The following DLG2 variants were observed in gnomAD, a reference collection of about 807,000 sequenced individuals.
The protein encoded by DLG2 is discs large MAGUK scaffold protein 2.
Under a neutral mutation model 132.5 loss-of-function variants are expected in DLG2, and 45 were observed. That is an observed-to-expected ratio of 0.34 (90% CI 0.27 to 0.44). DLG2 has a LOEUF of 0.44. DLG2 is among the 20% of genes least tolerant of loss of function. DLG2 has a pLI of 1.00. For missense variants in DLG2, 1,045 were observed against 1,196.9 expected (o/e 0.87, Z 1.87); for synonymous variants, 424 against 419.6 (o/e 1.01, Z -0.13).
At chr11:85,566,747 TCGG>T in intron 3 of DLG2, among the ~76,000 whole-genome samples, 1 of 152,214 alleles carries the variant, frequency 6.6e-6, no homozygotes, top group African/African-American at 2.4e-5. Flanking sequence ...ACGCTAACAT[TCGG>T]CCCATTGCAA....
chr11:84,272,761 A>G (rs1011311817), intron 7 of DLG2, among the ~76,000 whole-genome samples: 2 of 152,186 alleles, frequency 1.3e-5, no homozygotes, highest in African/African-American at 4.8e-5. Flanking sequence ...CTTGATCTAT[A>G]TATCAAACCT....
chr11:83,821,155 C>G (rs1437406205), intron 17 of DLG2, among the ~76,000 whole-genome samples: 3 of 152,180 alleles, frequency 2.0e-5, no homozygotes, highest in Non-Finnish European at 4.4e-5. Context: ...GTTCACATCT[C>G]ATAACTCATG....
chr11:83,678,675 C>T (rs767791676), intron 18 of DLG2, among the ~76,000 whole-genome samples: 4 of 152,014 alleles, frequency 2.6e-5, no homozygotes, highest in Non-Finnish European at 5.9e-5. Context: ...TGAATGTGAT[C>T]CAGAAGGGAC....
At chr11:84,654,436 T>A (rs1456712643) in intron 6 of DLG2, among the ~76,000 whole-genome samples, 1 of 152,180 alleles carries the variant, frequency 6.6e-6, no homozygotes, top group African/African-American at 2.4e-5. Context: ...TTTCACCTGC[T>A]AACTATGCCA....
intron 6 of DLG2, among the ~76,000 whole-genome samples, chr11:84,924,390 G>C (rs931894770): frequency 8.5e-5 from 13 of 152,258 alleles, no homozygotes; most frequent in Admixed American, 8.5e-4. Flanking sequence ...CCAGCAACAA[G>C]GAAGATCAGC....
intron 6 of DLG2, among the ~76,000 whole-genome samples, chr11:84,822,454 A>G (rs999927489): frequency 6.6e-6 from 1 of 151,882 alleles, no homozygotes; most frequent in Non-Finnish European, 1.5e-5. Flanking sequence ...TAAAGCACTA[A>G]ACTCAATTAT....
chr11:85,043,733 T>C (rs1000226931), intron 6 of DLG2, among the ~76,000 whole-genome samples: 2 of 151,908 alleles, frequency 1.3e-5, no homozygotes, highest in Admixed American at 1.3e-4. Context: ...ACTTTTAAAA[T>C]CTAACTTTCT....
chr11:85,029,009 C>A (rs1449162679), intron 6 of DLG2, among the ~76,000 whole-genome samples: 1 of 152,164 alleles, frequency 6.6e-6, no homozygotes, highest in African/African-American at 2.4e-5. Flanking sequence ...AATATTTATC[C>A]TTTTAACTTA....
chr11:85,403,054 G>T (rs1201040054), intron 3 of DLG2, among the ~76,000 whole-genome samples: 1 of 152,112 alleles, frequency 6.6e-6, no homozygotes, highest in East Asian at 1.9e-4. Context: ...TATGTTTATT[G>T]TGGCACTATT....
chr11:85,427,233 C>A (rs1158213260), intron 3 of DLG2, among the ~76,000 whole-genome samples: 1 of 152,190 alleles, frequency 6.6e-6, no homozygotes, highest in Non-Finnish European at 1.5e-5. Flanking sequence ...CTTCCCCAAT[C>A]TAGCAAGGCA....
At position 84,483,430 on chromosome 11, in the gene DLG2, C is replaced by CAAAAAAAAA. The variant is rs56086759; in HGVS notation, c.519+51131_519+51139dup. On this transcript the variant is annotated intron_variant, in intron 7 of 27. Coordinates refer to ENST00000376104, the MANE Select transcript of DLG2 (RefSeq NM_001142699.3). ...TGTGCAACAGAGCCAGACTCCGCCT[C>CAAAAAAAAA]AAAAAAAAAAAAAAAAAAAATTAAA... Among the ~76,000 whole-genome samples the CAAAAAAAAA allele has an allele frequency of 1.2e-4, 11 of 90,154 alleles. 1 individual carries two copies. Among genetic ancestry groups the CAAAAAAAAA allele is most frequent in the South Asian group, 8.9e-4 (2 of 2,244 alleles). 59.1% of individuals were successfully genotyped at this position (90,154 alleles called of 152,430 possible).
intron 25 of DLG2, among the ~76,000 whole-genome samples, chr11:83,467,875 G>T (rs1428249739): frequency 7.6e-6 from 1 of 131,442 alleles, no homozygotes; most frequent in African/African-American, 2.8e-5. Flanking sequence ...ATTAAATGCG[G>T]GTTAAATGCC....
intron 6 of DLG2, among the ~76,000 whole-genome samples, chr11:84,988,266 G>C (rs1289426652): frequency 6.6e-6 from 1 of 152,102 alleles, no homozygotes; most frequent in East Asian, 1.9e-4. Context: ...CAGTGAACAG[G>C]GAACACTTCT....
At chr11:83,583,233 G>A (rs1475493787) in intron 19 of DLG2, among the ~76,000 whole-genome samples, 4 of 152,176 alleles carry the variant, frequency 2.6e-5, no homozygotes, top group Non-Finnish European at 5.9e-5. Context: ...ATATTCAAAG[G>A]GGAAAGTCAG....
intron 2 of DLG2, among the ~76,000 whole-genome samples, chr11:85,606,832 C>T (rs922480202): frequency 5.9e-5 from 9 of 151,912 alleles, no homozygotes; most frequent in African/African-American, 1.5e-4. Flanking sequence ...TAACACTCAC[C>T]GCAAAGGTCT....
intron 4 of DLG2, among the ~76,000 whole-genome samples, chr11:85,251,661 C>T (rs977721095): frequency 6.6e-6 from 1 of 152,038 alleles, no homozygotes; most frequent in African/African-American, 2.4e-5. Flanking sequence ...ATCTAATTAT[C>T]CTTCTGTTCT....
intron 3 of DLG2, among the ~76,000 whole-genome samples, chr11:85,515,651 A>G (rs986174143): frequency 6.6e-6 from 1 of 152,026 alleles, no homozygotes; most frequent in Non-Finnish European, 1.5e-5. Flanking sequence ...TCAATGACAT[A>G]AAGAGAAACA....
intron 6 of DLG2, among the ~76,000 whole-genome samples, chr11:84,539,316 A>G (rs1304238743): frequency 1.3e-5 from 2 of 152,246 alleles, no homozygotes; most frequent in Non-Finnish European, 2.9e-5. Flanking sequence ...TTAGAGGACA[A>G]CTTTATCTTC....
intron 6 of DLG2, among the ~76,000 whole-genome samples, chr11:84,773,676 T>C (rs1356339629): frequency 6.6e-6 from 1 of 151,884 alleles, no homozygotes; most frequent in African/African-American, 2.4e-5. Flanking sequence ...ATAAACAGAA[T>C]TAAAAACAAA....
Sources: gnomAD v4.1 joint callset for allele counts (sites outside exome capture counted in the v4.1 genomes callset) on GRCh38, gnomAD v4.1.1 for gene constraint, MANE v1.5 for transcripts, NCBI Gene and HGNC (gene_info 2026-07-23, HGNC 2026-07-21) for gene names.